Variants in PAPOLG observed in about 807,000 individuals in gnomAD.
PAPOLG encodes PAP-gamma.
In PAPOLG, 40 loss-of-function variants were observed where a neutral mutation model predicts 99.0. The ratio of observed to expected loss-of-function variants is 0.40; its 90% CI spans 0.31 to 0.53. The LOEUF is 0.53. Among genes scored for constraint, PAPOLG ranks in the 20% least tolerant of loss-of-function variants. The probability of loss-of-function intolerance (pLI) is 0.41; values close to 1 mark genes in which losing one functional copy is unlikely to be tolerated. For synonymous variants in PAPOLG, 310 were observed against 299.3 expected (o/e 1.04, Z -0.37); for missense variants, 675 against 884.1 (o/e 0.76, Z 3.00).
intron 3 of PAPOLG, 171 bp from the exon 4 acceptor site, chr2:60,768,299 G>T (rs1262112096): frequency 1.6e-5 from 3 of 183,714 alleles, no homozygotes; most frequent in Non-Finnish European, 3.1e-5. Flanking sequence ...AAGAAGTTTT[G>T]CCATGTTGGC....
chr2:60,762,603 T>A (rs865962106), intron 3 of PAPOLG, among the ~76,000 whole-genome samples: 121 of 150,300 alleles, frequency 8.1e-4, no homozygotes, highest in Non-Finnish European at 5.3e-4. Context: ...GTCACTGTAA[T>A]TTTTTTTTTA....
chr2:60,777,429 C>G (rs917876126), intron 8 of PAPOLG, among the ~76,000 whole-genome samples: 3 of 152,182 alleles, frequency 2.0e-5, no homozygotes, highest in African/African-American at 7.2e-5. Flanking sequence ...GCACTCCAGC[C>G]TGGGCGACAG....
At chr2:60,776,418 ATTTTTTTT>A (rs70959863) in intron 8 of PAPOLG, among the ~76,000 whole-genome samples, 1 of 85,868 alleles carries the variant, frequency 1.2e-5, no homozygotes, top group Non-Finnish European at 2.3e-5. Context: ...CATTGGCTTC[ATTTTTTTT>A]TTTTTTTTTT....
intron 4 of PAPOLG, 100 bp from the exon 5 acceptor site, chr2:60,768,681 C>G (rs1053178531): frequency 2.1e-5 from 29 of 1,350,448 alleles, no homozygotes; most frequent in Admixed American, 9.9e-5. Context: ...TTTTCTTGTA[C>G]TCAACTTCCA....
At chr2:60,791,731 T>C (rs752180162) in intron 15 of PAPOLG, 30 bp from the exon 16 acceptor site, 83 of 1,569,664 alleles carry the variant, frequency 5.3e-5, no homozygotes, top group Non-Finnish European at 6.9e-5. Flanking sequence ...AGAAAGAAGT[T>C]TCCCATTTAA....
intron 1 of PAPOLG, among the ~76,000 whole-genome samples, chr2:60,757,328 T>C (rs1250340729): frequency 6.6e-6 from 1 of 152,248 alleles, no homozygotes; most frequent in Admixed American, 6.5e-5. Flanking sequence ...CCTACCTCCT[T>C]CTCTGGTCCC....
Position 60,799,940 on chromosome 2 carries a change from T to C in PAPOLG, c.*2780T>C, listed in dbSNP as rs1410935877. 6.6e-6 allele frequency: 1 copy of C among 152,272 alleles called. No individual in the cohort carries two copies. The highest frequency in any genetic ancestry group is 1.5e-5 in the Non-Finnish European group (1 of 68,026). 9.4% of individuals were successfully genotyped at this position (152,272 alleles called of 1,614,324 possible). On this transcript the variant is annotated 3_prime_UTR_variant, in exon 22 of 22. Coordinates refer to ENST00000238714, the MANE Select transcript of PAPOLG (RefSeq NM_022894.4). ...GCACCCGGCCGTGTTTGTTTTCAAGTGTGAAAAAATACCTAGAAGTATATT... is the reference window on the plus strand; with the variant it reads ...GCACCCGGCCGTGTTTGTTTTCAAGCGTGAAAAAATACCTAGAAGTATATT...
intron 1 of PAPOLG, among the ~76,000 whole-genome samples, chr2:60,759,268 T>A (rs1395882771): frequency 1.3e-5 from 2 of 151,770 alleles, no homozygotes; most frequent in East Asian, 3.9e-4. Flanking sequence ...CTTGGGAGGC[T>A]GAGGTAGGAG....
At chr2:60,767,429 T>G (rs1670713707) in intron 3 of PAPOLG, among the ~76,000 whole-genome samples, 5 of 151,458 alleles carry the variant, frequency 3.3e-5, no homozygotes, top group Admixed American at 3.3e-4. Flanking sequence ...TGCAGCCTCC[T>G]CAGTAGCTGA....
chr2:60,767,881 A>G (rs1670729551), intron 3 of PAPOLG, among the ~76,000 whole-genome samples: 1 of 152,182 alleles, frequency 6.6e-6, no homozygotes, highest in African/African-American at 2.4e-5. Flanking sequence ...GGAGGGGACA[A>G]GTATGGTCAA....
In PAPOLG at chr2:60,794,979, G is replaced by A. The variant is rs1458902929; in HGVS notation, c.2071G>A (p.Glu691Lys). The A allele has an allele frequency of 6.2e-7, 1 of 1,613,526 alleles. No homozygotes were observed. Residue 691 changes from glutamate to lysine, a missense_variant, in exon 21 of 22, where the codon GAA (glutamate) becomes AAA (lysine). Coordinates refer to ENST00000238714, the MANE Select transcript of PAPOLG (RefSeq NM_022894.4). Reference protein sequence around the residue: ...KRKSVDAIGGESMPIPTIDTS... With the variant: ...KRKSVDAIGGKSMPIPTIDTS... ...CTGTTTTTAGGATGCCATTGGAGGAGAATCTATGCCTATTCCAACTATTGA... is the reference window on the plus strand; with the variant it reads ...CTGTTTTTAGGATGCCATTGGAGGAAAATCTATGCCTATTCCAACTATTGA...
chr2:60,774,506 T>C (rs952726755), intron 7 of PAPOLG, among the ~76,000 whole-genome samples: 8 of 151,920 alleles, frequency 5.3e-5, no homozygotes, highest in African/African-American at 1.9e-4. Context: ...GCTGGGAATA[T>C]AGATGCCCAC....
chr2:60,778,813 A>G (rs1671101257), intron 8 of PAPOLG, among the ~76,000 whole-genome samples: 1 of 152,198 alleles, frequency 6.6e-6, no homozygotes, highest in African/African-American at 2.4e-5. Context: ...TTAAAGATTA[A>G]ATGCCATGTT....
rs565634231 is a variant in PAPOLG at position 60,774,043 on chromosome 2, G to A, written c.605-991G>A. Reference sequence around the variant, plus strand: ...TTATTTTTAACTGCAAGTGTGTGGTGGTGAAGATATTTTTTTCTGCTAGTG... The same window carrying A: ...TTATTTTTAACTGCAAGTGTGTGGTAGTGAAGATATTTTTTTCTGCTAGTG... On this transcript the variant is annotated intron_variant, in intron 7 of 21. Coordinates refer to ENST00000238714, the MANE Select transcript of PAPOLG (RefSeq NM_022894.4). 5.7e-4 allele frequency among the ~76,000 whole-genome samples: 86 copies of A among 152,120 alleles called. 1 individual carries two copies. Among genetic ancestry groups the A allele is most frequent in the Non-Finnish European group, 1.1e-3 (77 of 68,032 alleles).
At chr2:60,784,170 A>C (rs1429563024) in intron 13 of PAPOLG, among the ~76,000 whole-genome samples, 1 of 151,992 alleles carries the variant, frequency 6.6e-6, no homozygotes, top group African/African-American at 2.4e-5. Context: ...ACGGGGTTTC[A>C]CCATCTTGGC....
chr2:60,794,514 C>A, intron 19 of PAPOLG, 196 bp from the exon 20 acceptor site: 1 of 598,902 alleles, frequency 1.7e-6, no homozygotes, highest in Non-Finnish European at 2.9e-6. Context: ...TTGATTTAAC[C>A]AAAAAGATCA....
At chr2:60,788,007 A>C (rs1671418638) in intron 15 of PAPOLG, among the ~76,000 whole-genome samples, 1 of 151,608 alleles carries the variant, frequency 6.6e-6, no homozygotes. Flanking sequence ...GCCCCACTGC[A>C]CTCTGGCCTG....
chr2:60,782,592 T>G, intron 11 of PAPOLG, 94 bp from the exon 12 acceptor site: 1 of 1,351,324 alleles, frequency 7.4e-7, no homozygotes. Flanking sequence ...CTGGTGGAGT[T>G]TGAGATTTTG....
intron 8 of PAPOLG, among the ~76,000 whole-genome samples, chr2:60,777,047 C>T (rs978833632): frequency 7.2e-5 from 11 of 152,182 alleles, no homozygotes; most frequent in Non-Finnish European, 1.5e-4. Flanking sequence ...TCTGCACCTT[C>T]CTCACCTCTC....
Sources: allele counts gnomAD v4.1 joint callset (sites outside exome capture counted in the v4.1 genomes callset), GRCh38; gene constraint gnomAD v4.1.1; transcripts MANE v1.5; gene names NCBI Gene and HGNC (gene_info 2026-07-23, HGNC 2026-07-21).